Variants in SYNPO2 observed in about 807,000 individuals in gnomAD.
The protein encoded by SYNPO2 is synaptopodin 2, also known as synaptopodin-2.
In SYNPO2, 56 loss-of-function variants were observed where a neutral mutation model predicts 85.0. The ratio of observed to expected loss-of-function variants is 0.66; its 90% CI spans 0.53 to 0.82. SYNPO2 has a LOEUF of 0.82. SYNPO2 is among the 40% of genes least tolerant of loss of function. The pLI, the probability that SYNPO2 is intolerant of heterozygous loss-of-function variation, is 0.00. For missense variants in SYNPO2, 1,575 were observed against 1,534.2 expected (o/e 1.03, Z -0.44); for synonymous variants, 602 against 591.1 (o/e 1.02, Z -0.27).
intron 1 of SYNPO2, among the ~76,000 whole-genome samples, chr4:118,996,362 C>G (rs10518311): frequency 0.26 from 39,859 of 152,074 alleles, 5,451 homozygotes; most frequent in South Asian, 0.33. Flanking sequence ...TGCAATGCTT[C>G]TGTTCTTTAT....
intron 1 of SYNPO2, among the ~76,000 whole-genome samples, chr4:118,931,728 T>C (rs1009975189): frequency 1.3e-5 from 2 of 152,190 alleles, no homozygotes; most frequent in East Asian, 3.9e-4. Flanking sequence ...CCGACCTGTA[T>C]ACAATTAATC....
chr4:118,976,834 T>G (rs1489999081), intron 1 of SYNPO2, among the ~76,000 whole-genome samples: 7 of 151,174 alleles, frequency 4.6e-5, no homozygotes, highest in South Asian at 4.2e-4. Flanking sequence ...GTTCTCCACG[T>G]CCTCACCAGA....
chr4:119,012,198 T>C (rs911849508), intron 1 of SYNPO2, among the ~76,000 whole-genome samples: 3 of 151,956 alleles, frequency 2.0e-5, no homozygotes, highest in Admixed American at 6.6e-5. Flanking sequence ...TCTGGGATTA[T>C]AGGCATGAAC....
chr4:118,999,941 A>G (rs1736763935), intron 1 of SYNPO2, among the ~76,000 whole-genome samples: 2 of 152,246 alleles, frequency 1.3e-5, no homozygotes, highest in Admixed American at 1.3e-4. Flanking sequence ...TTCTCTGAAG[A>G]AGCTGGCAAA....
At position 119,031,831 on chromosome 4, in the gene SYNPO2, T is replaced by G. The variant is rs1341213408; in HGVS notation, c.3056T>G (p.Val1019Gly). 3 of 1,614,222 alleles carry G rather than the reference T, an allele frequency of 1.9e-6. No homozygotes were observed. The highest frequency in any genetic ancestry group is 2.2e-5 in the South Asian group (2 of 91,090). ...RPVNAASPTN[V>G]QASSVYSVPA... ...GTGAATGCTGCCTCACCTACGAATG[T>G]GCAGGCTTCGTCAGTGTACTCGGTA... The change falls in exon 4 of 5, where the codon GTG becomes GGG. Residue 1019 changes from valine (V) to glycine (G), a missense_variant. Physicochemically the swap from Val to Gly is moderately radical, Grantham distance 109. Around this residue, in one of 3 missense-constraint regions of SYNPO2, gnomAD observed 1,508 missense variants for 1,446.8 expected, o/e 1.04. Transcript: ENST00000307142.
rs765241670 is a variant in SYNPO2 at position 119,007,422 on chromosome 4, AC to A, written c.106-16007del. Reference sequence around the variant, plus strand: ...AAAACAAAAAACAAACAAAAAAAAAACATAAAACAAAATGATCGGATAGTTT... The same window carrying A: ...AAAACAAAAAACAAACAAAAAAAAAAATAAAACAAAATGATCGGATAGTTT... On this transcript the variant is annotated intron_variant, in intron 1 of 4. Transcript: ENST00000307142. Among the ~76,000 whole-genome samples the A allele has an allele frequency of 2.8e-4, 42 of 150,482 alleles. No individual in the cohort carries two copies. In the Middle Eastern group the frequency reaches 0.01, roughly 37 times the overall value.
chr4:119,022,724 A>ATATTTTATTTTATTTTAATTGT (rs1553947323), intron 1 of SYNPO2, among the ~76,000 whole-genome samples: 1 of 142,300 alleles, frequency 7.0e-6, no homozygotes, highest in African/African-American at 2.6e-5. Flanking sequence ...ATTTTATTTT[A>ATATTTTATTTTATTTTAATTGT]ATTTTATTTT....
chr4:118,991,448 T>C (rs1736413128), intron 1 of SYNPO2, among the ~76,000 whole-genome samples: 1 of 152,122 alleles, frequency 6.6e-6, no homozygotes, highest in South Asian at 2.1e-4. Context: ...GCACCCGGCC[T>C]GTTTTTGTTT....
At chr4:119,045,074 CTTG>C (rs1254564619) in intron 4 of SYNPO2, among the ~76,000 whole-genome samples, 2 of 152,232 alleles carry the variant, frequency 1.3e-5, no homozygotes, top group East Asian at 3.9e-4. Flanking sequence ...CTTAAGAATC[CTTG>C]TTGTTAACAT....
Position 118,940,664 on chromosome 4 carries a change from T to C in SYNPO2, c.105+51523T>C, listed in dbSNP as rs997714249. On this transcript the variant is annotated intron_variant, in intron 1 of 4. Transcript: ENST00000307142. ...TCGGACCCCCACCCCTACCTGGGAG[T>C]AGTCAGGGAAAGCACCCAAAAGAAG... Among the ~76,000 whole-genome samples the C allele has an allele frequency of 5.3e-5, 8 of 151,508 alleles. No homozygotes were observed. The East Asian group carries it at 1.5e-3, about 29-fold the overall frequency.
intron 1 of SYNPO2, among the ~76,000 whole-genome samples, chr4:118,901,471 C>T (rs2162399): frequency 0.22 from 34,058 of 152,056 alleles, 4,325 homozygotes; most frequent in African/African-American, 0.35. Context: ...TAGGATTAAG[C>T]AGTAATGGTA....
intron 1 of SYNPO2, among the ~76,000 whole-genome samples, chr4:118,855,468 A>G (rs1223302119): frequency 6.6e-6 from 1 of 152,116 alleles, no homozygotes; most frequent in Non-Finnish European, 1.5e-5. Flanking sequence ...GAATATTCTC[A>G]ATTTAGGATT....
intron 1 of SYNPO2, among the ~76,000 whole-genome samples, chr4:118,966,193 A>C (rs1735311508): frequency 6.6e-6 from 1 of 152,208 alleles, no homozygotes; most frequent in African/African-American, 2.4e-5. Flanking sequence ...CAAAATTCTC[A>C]ACCATTCATT....
chr4:118,901,511 A>G (rs1187504867), intron 1 of SYNPO2, among the ~76,000 whole-genome samples: 2 of 152,140 alleles, frequency 1.3e-5, no homozygotes, highest in Non-Finnish European at 2.9e-5. Context: ...AAAAGTATCC[A>G]TAGGAGCACA....
At chr4:118,964,516 TA>T (rs1426619116) in intron 1 of SYNPO2, among the ~76,000 whole-genome samples, 1 of 151,554 alleles carries the variant, frequency 6.6e-6, no homozygotes, top group Admixed American at 6.6e-5. Context: ...AAAAAACAAT[TA>T]AAAACTGAGA....
chr4:118,875,294 T>G (rs1578510925), intron 1 of SYNPO2, among the ~76,000 whole-genome samples: 2 of 152,356 alleles, frequency 1.3e-5, no homozygotes, highest in East Asian at 3.9e-4. Context: ...AGTATTTTTA[T>G]TAACCATTTG....
At chr4:118,878,121 C>T (rs967607677) in intron 1 of SYNPO2, among the ~76,000 whole-genome samples, 1 of 152,120 alleles carries the variant, frequency 6.6e-6, no homozygotes, top group Admixed American at 6.5e-5. Context: ...AACCAAGTAT[C>T]GCATGTTCTC....
At position 119,031,050 on chromosome 4, in the gene SYNPO2, G is replaced by T; in HGVS notation, c.2275G>T (p.Val759Phe). The change falls in exon 4 of 5, where the codon GTT becomes TTT. Residue 759 changes from valine to phenylalanine, a missense_variant. Val to Phe is a conservative substitution (Grantham distance 50). Around this residue, in one of 3 missense-constraint regions of SYNPO2, gnomAD observed 1,508 missense variants for 1,446.8 expected, o/e 1.04. Transcript: ENST00000307142. ...TGCCAAACAAAAGACCCCTCCTCCT[G>T]TTGCTCCAAAACCTGCAGTCAAGTC... Reference protein sequence around the residue: ...SSAKQKTPPPVAPKPAVKSSS... With the variant: ...SSAKQKTPPPFAPKPAVKSSS... 1 of 1,614,034 alleles carries T rather than the reference G, an allele frequency of 6.2e-7. No individual in the cohort carries two copies. Among genetic ancestry groups the T allele is most frequent in the Non-Finnish European group, 8.5e-7 (1 of 1,180,008 alleles).
intron 1 of SYNPO2, among the ~76,000 whole-genome samples, chr4:118,882,160 A>G (rs933657079): frequency 6.6e-6 from 1 of 152,180 alleles, no homozygotes; most frequent in African/African-American, 2.4e-5. Context: ...GTTGTCGGTC[A>G]CTTTTTATTG....
Sources: gnomAD v4.1 joint callset for allele counts (sites outside exome capture counted in the v4.1 genomes callset) on GRCh38, gnomAD v4.1.1 for gene constraint, gnomAD v4.1.1 regional missense constraint, MANE v1.5 for transcripts, NCBI Gene and HGNC (gene_info 2026-07-23, HGNC 2026-07-21) for gene names.